Variants in FANCD2 observed in about 807,000 individuals in gnomAD.
FANCD2 encodes the protein FA complementation group D2, also known as Fanconi anemia group D2 protein.
FANCD2 carries 131 observed loss-of-function variants against 192.3 expected under a neutral mutation model. The ratio of observed to expected loss-of-function variants is 0.68; its 90% CI spans 0.59 to 0.79. The LOEUF (loss-of-function observed/expected upper bound fraction) is 0.79. FANCD2 is among the 30% of genes least tolerant of loss of function. The pLI is 0.00. For missense variants in FANCD2, 1,508 were observed against 1,701.6 expected (o/e 0.89, Z 2.00); for synonymous variants, 524 against 612.5 (o/e 0.86, Z 2.13).
At chr3:10,096,657 C>A (rs1436053626) in intron 42 of FANCD2, among the ~76,000 whole-genome samples, 185 bp downstream of exon 42, 1 of 152,074 alleles carries the variant, frequency 6.6e-6, no homozygotes, top group Non-Finnish European at 1.5e-5. Context: ...CAGGCTGCAC[C>A]CCTCATCTTA....
At chr3:10,043,179 C>G (rs1477496903) in intron 12 of FANCD2, 29 bp downstream of exon 12, 1 of 1,565,398 alleles carries the variant, frequency 6.4e-7, no homozygotes, top group South Asian at 1.1e-5. Flanking sequence ...CACAGGATGT[C>G]ACAATTTTCT....
chr3:10,059,312 C>A (rs898566858), intron 18 of FANCD2, among the ~76,000 whole-genome samples: 1 of 152,144 alleles, frequency 6.6e-6, no homozygotes, highest in African/African-American at 2.4e-5. Context: ...CTTCGCCCAG[C>A]CTTGCCTCCA....
intron 30 of FANCD2, among the ~76,000 whole-genome samples, chr3:10,079,856 A>G (rs996072103): frequency 2.6e-5 from 4 of 152,228 alleles, no homozygotes; most frequent in Non-Finnish European, 5.9e-5. Flanking sequence ...GGTCTTGGGT[A>G]TAAGCATTTA....
At position 10,027,490 on chromosome 3, in the gene FANCD2, T is replaced by C. The variant is rs35575700; in HGVS notation, c.-34+1017T>C. 3.1e-3 allele frequency among the ~76,000 whole-genome samples: 474 copies of C among 152,344 alleles called. 6 individuals are homozygous for C. Among genetic ancestry groups the C allele is most frequent in the African/African-American group, 0.011 (455 of 41,570 alleles). On this transcript the variant is annotated intron_variant, in intron 1 of 43. Transcript: ENST00000675286. ...ATTCAGGCACTTCCCCCACCTCTGC[T>C]GTCTGATTTCTAACTCCACATCTCC...
rs1303248151 is a variant in FANCD2, at chr3:10,039,717, G to T, written c.571-4G>T. 1.2e-6 allele frequency: 2 copies of T among 1,613,890 alleles called. No homozygotes were observed. Among genetic ancestry groups the T allele is most frequent in the Admixed American group, 3.3e-5 (2 of 59,984 alleles). On this transcript the variant is annotated splice_region_variant and splice_polypyrimidine_tract_variant and intron_variant, in intron 8 of 43. Coordinates refer to ENST00000675286, the MANE Select transcript of FANCD2 (RefSeq NM_001018115.3). ...TGCAGTTCTAATAGTGTCTTCTACT[G>T]CAGGACCTCACCACCAAGATCATGC... is the stretch of plus-strand genomic sequence containing the variant.
At chr3:10,038,967 T>G (rs189147450) in intron 7 of FANCD2, among the ~76,000 whole-genome samples, 15 of 152,332 alleles carry the variant, frequency 9.8e-5, no homozygotes, top group South Asian at 4.1e-4. Flanking sequence ...TTTTTAAGAT[T>G]TATTAACATT....
chr3:10,086,322 G>T (rs1299382686), intron 33 of FANCD2, among the ~76,000 whole-genome samples: 2 of 152,110 alleles, frequency 1.3e-5, no homozygotes, highest in Non-Finnish European at 2.9e-5. Context: ...GTGGCTGAGG[G>T]GTAGGCAGTG....
chr3:10,081,272 T>G, intron 31 of FANCD2, 44 bp downstream of exon 31: 1 of 1,613,918 alleles, frequency 6.2e-7, no homozygotes, highest in South Asian at 1.1e-5. Flanking sequence ...ATATGAGGTT[T>G]CATTTTTGGC....
At chr3:10,028,912 A>G (rs996281316) in intron 2 of FANCD2, among the ~76,000 whole-genome samples, 191 bp downstream of exon 2, 1 of 152,208 alleles carries the variant, frequency 6.6e-6, no homozygotes, top group African/African-American at 2.4e-5. Flanking sequence ...TTTGAGTATG[A>G]CCACAGCCTC....
At chr3:10,026,888 G>A (rs3846177) in intron 1 of FANCD2, among the ~76,000 whole-genome samples, 1 of 151,938 alleles carries the variant, frequency 6.6e-6, no homozygotes, top group African/African-American at 2.4e-5. Flanking sequence ...CACAGGGCCC[G>A]GTACCTCGTA....
chr3:10,044,443 G>A (rs543137453), intron 14 of FANCD2, among the ~76,000 whole-genome samples: 1 of 151,814 alleles, frequency 6.6e-6, no homozygotes, highest in African/African-American at 2.4e-5. Flanking sequence ...TGAGGCAGGC[G>A]GATCATCTGA....
At chr3:10,051,147 G>A (rs1274931981) in intron 17 of FANCD2, among the ~76,000 whole-genome samples, 2 of 151,090 alleles carry the variant, frequency 1.3e-5, no homozygotes, top group African/African-American at 2.4e-5. Flanking sequence ...TTGGGAGGCC[G>A]AGGTGGGCGG....
intron 3 of FANCD2, 114 bp downstream of exon 3, chr3:10,033,086 T>C: frequency 1.1e-6 from 1 of 950,620 alleles, no homozygotes; most frequent in Non-Finnish European, 1.7e-6. Flanking sequence ...GCCATCCATC[T>C]TGAGACAAAG....
chr3:10,097,846 A>AAG (rs1695065950), intron 42 of FANCD2, among the ~76,000 whole-genome samples: 1 of 152,208 alleles, frequency 6.6e-6, no homozygotes, highest in African/African-American at 2.4e-5. Context: ...GAAATTACAA[A>AAG]AGTATTAATT....
At chr3:10,058,177 G>A (rs2087467626) in intron 18 of FANCD2, 4 of 323,172 alleles carry the variant, frequency 1.2e-5, no homozygotes, top group South Asian at 3.5e-5. Context: ...TCTTCCGCAC[G>A]AAGAGACCGT....
intron 15 of FANCD2, among the ~76,000 whole-genome samples, chr3:10,047,536 T>C (rs1040928378): frequency 1.3e-5 from 2 of 152,292 alleles, no homozygotes; most frequent in Non-Finnish European, 2.9e-5. Context: ...TTAGTTAGCA[T>C]TGAACCTTAT....
intron 12 of FANCD2, 148 bp downstream of exon 12, chr3:10,043,298 G>A: frequency 1.3e-6 from 1 of 785,420 alleles, no homozygotes; most frequent in Non-Finnish European, 2.2e-6. Flanking sequence ...ATGTATGTGA[G>A]TATGTATGTG....
chr3:10,029,231 C>T (rs114554709), intron 2 of FANCD2, among the ~76,000 whole-genome samples: 4,702 of 152,186 alleles, frequency 0.031, 106 homozygotes, highest in Middle Eastern at 0.058. Flanking sequence ...TGGGTGCTAT[C>T]GCTCACACCT....
In FANCD2 at chr3:10,034,796, C is replaced by T; in HGVS notation, c.375C>T (p.Ala125=). ...GTGAGCGTCTGCAGGATGAGGAAGC[C>T]AGGTGTGGAGAGGAGGCATGGAATC... ...LSCERLQDEE[A]SMGASYSKSL... is the part of the protein sequence containing the mutation. The change falls in exon 5 of 44, where the codon GCC becomes GCT. Residue 125 remains alanine, a splice_region_variant and synonymous_variant. Transcript: ENST00000675286. 6.4e-7 allele frequency: 1 copy of T among 1,553,530 alleles called. No homozygotes were observed. The highest frequency in any genetic ancestry group is 8.7e-7 in the Non-Finnish European group (1 of 1,147,296).
Sources: allele counts gnomAD v4.1 joint callset (sites outside exome capture counted in the v4.1 genomes callset), GRCh38; gene constraint gnomAD v4.1.1; transcripts MANE v1.5; gene names NCBI Gene and HGNC (gene_info 2026-07-23, HGNC 2026-07-21).